The following CMTM8 variants were observed in gnomAD, a reference collection of about 807,000 sequenced individuals.
The protein encoded by CMTM8 is CKLF like MARVEL transmembrane domain containing 8, also known as CKLF-like MARVEL transmembrane domain-containing protein 8.
CMTM8 carries 12 observed loss-of-function variants against 18.6 expected under a neutral mutation model. That is an observed-to-expected ratio of 0.65 (90% CI 0.41 to 1.05). CMTM8 has a LOEUF of 1.05. Ranked by LOEUF, CMTM8 falls within the 50% of genes least tolerant of loss-of-function variation. The probability of loss-of-function intolerance (pLI) is 0.00; values close to 1 mark genes in which losing one functional copy is unlikely to be tolerated. For synonymous variants in CMTM8, 87 were observed against 90.6 expected, an observed-to-expected ratio of 0.96 and a Z score of 0.23; for missense variants, 217 against 227.2, an observed-to-expected ratio of 0.95 and a Z score of 0.29.
chr3:32,320,390 C>T (rs887485183), intron 1 of CMTM8, among the ~76,000 whole-genome samples: 15 of 152,176 alleles, frequency 9.9e-5, no homozygotes, highest in African/African-American at 3.6e-4. Flanking sequence ...GGCCACATCT[C>T]GCATGATTCC....
chr3:32,354,287 A>G (rs1696770081), intron 1 of CMTM8, among the ~76,000 whole-genome samples: 1 of 152,214 alleles, frequency 6.6e-6, no homozygotes, highest in South Asian at 2.1e-4. Flanking sequence ...ACTGGTTTTT[A>G]TCAGTAGTGG....
chr3:32,332,443 G>C (rs1042744918), intron 1 of CMTM8, among the ~76,000 whole-genome samples: 54 of 152,236 alleles, frequency 3.5e-4, no homozygotes, highest in African/African-American at 1.2e-3. Flanking sequence ...TTTGATACCT[G>C]GGGAGTGGCA....
chr3:32,332,036 G>GCACACACACA (rs140552228), intron 1 of CMTM8, among the ~76,000 whole-genome samples: 1 of 150,948 alleles, frequency 6.6e-6, no homozygotes, highest in Non-Finnish European at 1.5e-5. Context: ...TTGACCACAC[G>GCACACACACA]CGCACACACA....
At chr3:32,334,405 G>C (rs1696343915) in intron 1 of CMTM8, among the ~76,000 whole-genome samples, 1 of 151,620 alleles carries the variant, frequency 6.6e-6, no homozygotes, top group Admixed American at 6.6e-5. Flanking sequence ...AGGAGATCAA[G>C]ACCATCCTGG....
chr3:32,318,629 C>T (rs1009953767), intron 1 of CMTM8, among the ~76,000 whole-genome samples: 2 of 144,732 alleles, frequency 1.4e-5, no homozygotes, highest in African/African-American at 5.1e-5. Flanking sequence ...TGCGGTGGTG[C>T]GATCTTGGCT....
intron 1 of CMTM8, among the ~76,000 whole-genome samples, chr3:32,334,952 G>T (rs996474635): frequency 6.6e-6 from 1 of 152,108 alleles, no homozygotes; most frequent in African/African-American, 2.4e-5. Context: ...CTGCTCTCTT[G>T]CTACCCTAGC....
chr3:32,255,626 C>T (rs969873433), intron 1 of CMTM8, among the ~76,000 whole-genome samples: 1 of 152,160 alleles, frequency 6.6e-6, no homozygotes, highest in African/African-American at 2.4e-5. Context: ...AGTCATTGCA[C>T]ATCCATTTCA....
intron 1 of CMTM8, among the ~76,000 whole-genome samples, chr3:32,288,685 A>C (rs972365321): frequency 3.3e-5 from 5 of 152,168 alleles, no homozygotes; most frequent in Admixed American, 1.3e-4. Flanking sequence ...TATTTTTAGT[A>C]GAGACGGCAT....
intron 1 of CMTM8, among the ~76,000 whole-genome samples, chr3:32,298,872 CACACACATACATATATAT>C (rs1695542294): frequency 6.9e-6 from 1 of 144,888 alleles, no homozygotes; most frequent in Non-Finnish European, 1.5e-5. Context: ...CATATATATA[CACACACATACATATATAT>C]ACACACATAC....
chr3:32,270,339 ATACCATT>A (rs1702418103), intron 1 of CMTM8, among the ~76,000 whole-genome samples: 1 of 152,202 alleles, frequency 6.6e-6, no homozygotes, highest in Admixed American at 6.5e-5. Context: ...AGAACTGGAA[ATACCATT>A]TGACCCAGCC....
chr3:32,260,750 C>A (rs2125537201), intron 1 of CMTM8, among the ~76,000 whole-genome samples: 1 of 151,800 alleles, frequency 6.6e-6, no homozygotes, highest in East Asian at 1.9e-4. Flanking sequence ...ACAGTCACAG[C>A]TGGTGCCTCC....
chr3:32,354,099 T>A (rs955712590), intron 1 of CMTM8, among the ~76,000 whole-genome samples: 4 of 152,096 alleles, frequency 2.6e-5, no homozygotes, highest in African/African-American at 9.7e-5. Context: ...TGTTAATTTT[T>A]TACCTGCATT....
chr3:32,326,515 C>CTTTTTT (rs58555396), intron 1 of CMTM8, among the ~76,000 whole-genome samples: 9 of 113,370 alleles, frequency 7.9e-5, no homozygotes, highest in Non-Finnish European at 1.1e-4. Context: ...TTCTTTCTTT[C>CTTTTTT]TTTTTTTTTT....
intron 1 of CMTM8, among the ~76,000 whole-genome samples, chr3:32,249,028 A>ATTTTTT (rs1457556322): frequency 1.4e-5 from 1 of 69,310 alleles, no homozygotes; most frequent in Non-Finnish European, 2.7e-5. Context: ...GTAATGTGGA[A>ATTTTTT]TCTTTTTTTT....
intron 1 of CMTM8, among the ~76,000 whole-genome samples, chr3:32,241,740 G>A (rs2125525861): frequency 6.6e-6 from 1 of 152,294 alleles, no homozygotes; most frequent in South Asian, 2.1e-4. Context: ...AGGTGATTTG[G>A]GTTAGATCAG....
At position 32,243,530 on chromosome 3, in the gene CMTM8, C is replaced by CAAA. The variant is rs376396855; in HGVS notation, c.147+4429_147+4431dup. Among the ~76,000 whole-genome samples, 20 of 104,372 alleles carry CAAA rather than the reference C, an allele frequency of 1.9e-4. No homozygotes were observed. In the East Asian group the frequency reaches 2.4e-3, roughly 12 times the overall value. 68.5% of individuals were successfully genotyped at this position (104,372 alleles called of 152,430 possible). ...TGGGTAACATTGTGAGACCCTGTCT[C>CAAA]AAAAAAAAAAAAAAAAAAAATCACA... On this transcript the variant is annotated intron_variant, in intron 1 of 3. Coordinates refer to ENST00000307526, the MANE Select transcript of CMTM8 (RefSeq NM_178868.5).
intron 2 of CMTM8, among the ~76,000 whole-genome samples, chr3:32,361,243 A>G (rs1001375678): frequency 7.0e-5 from 10 of 143,610 alleles, no homozygotes; most frequent in African/African-American, 2.6e-4. Flanking sequence ...GGTCTCCCAA[A>G]GTACTGGGAT....
At chr3:32,298,369 G>A (rs1695525218) in intron 1 of CMTM8, among the ~76,000 whole-genome samples, 1 of 151,328 alleles carries the variant, frequency 6.6e-6, no homozygotes, top group Admixed American at 6.6e-5. Flanking sequence ...ATCACGTCCA[G>A]CCCCTAATTA....
chr3:32,349,345 G>A (rs1008822450), intron 1 of CMTM8, among the ~76,000 whole-genome samples: 4 of 151,830 alleles, frequency 2.6e-5, no homozygotes, highest in African/African-American at 4.8e-5. Context: ...TTTTTCTTAT[G>A]CTAATGAAGA....
Sources: allele counts gnomAD v4.1 joint callset (sites outside exome capture counted in the v4.1 genomes callset), GRCh38; gene constraint gnomAD v4.1.1; transcripts MANE v1.5; gene names NCBI Gene and HGNC (gene_info 2026-07-23, HGNC 2026-07-21).